Variants in PCDH15 observed in about 807,000 individuals in gnomAD.
The protein encoded by PCDH15 is protocadherin related 15, also known as protocadherin-15.
A neutral mutation model predicts 178.5 loss-of-function variants in PCDH15; 129 were observed. The ratio of observed to expected loss-of-function variants is 0.72; its 90% CI spans 0.63 to 0.84. The LOEUF is 0.84. Ranked by LOEUF, PCDH15 falls within the 40% of genes least tolerant of loss-of-function variation. PCDH15 has a pLI of 0.00. For synonymous variants in PCDH15, 800 were observed against 732.0 expected (o/e 1.09, Z -1.50); for missense variants, 2,230 against 2,099.9 (o/e 1.06, Z -1.21).
At position 53,981,093 on chromosome 10, in the gene PCDH15, T is replaced by C. The variant is rs1350513773; in HGVS notation, c.2868+14556A>G. ...TGGCAGACAAATCCTGCATTGGTGA[T>C]GCTCACATTAGATTTTTAAAATAAA... On this transcript the variant is annotated intron_variant, in intron 21 of 37. Coordinates refer to ENST00000644397, the MANE Select transcript of PCDH15 (RefSeq NM_001384140.1). Among the ~76,000 whole-genome samples, 3 of 152,318 alleles carry C rather than the reference T, an allele frequency of 2.0e-5. No homozygotes were observed. In the East Asian group the frequency reaches 5.8e-4, roughly 29 times the overall value.
chr10:55,281,677 C>T (rs1352070767), intron 1 of PCDH15, among the ~76,000 whole-genome samples: 1 of 152,060 alleles, frequency 6.6e-6, no homozygotes, highest in Admixed American at 6.6e-5. Flanking sequence ...TCATCATCTC[C>T]GTGGATCAAA....
At chr10:55,509,440 T>C (rs567804167) in intron 2 of PCDH15, among the ~76,000 whole-genome samples, 9 of 151,816 alleles carry the variant, frequency 5.9e-5, no homozygotes, top group African/African-American at 2.2e-4. Flanking sequence ...ATCCAGATAT[T>C]CAGAGGAATA....
At chr10:54,132,760 T>G in intron 15 of PCDH15, 115 bp downstream of exon 15, 1 of 1,500,234 alleles carries the variant, frequency 6.7e-7, no homozygotes, top group Non-Finnish European at 9.0e-7. Flanking sequence ...TTCACTAGAG[T>G]GGAGGCAAGC....
chr10:55,028,684 T>A (rs1343176999), intron 2 of PCDH15, among the ~76,000 whole-genome samples: 2 of 152,034 alleles, frequency 1.3e-5, no homozygotes, highest in Non-Finnish European at 2.9e-5. Context: ...TGACAATTCA[T>A]GAAGATGCAA....
chr10:54,518,010 C>G lies in PCDH15; in HGVS notation c.157+9802G>C, dbSNP rs537563568. Among the ~76,000 whole-genome samples, 11 of 152,292 alleles carry G rather than the reference C, an allele frequency of 7.2e-5. No homozygotes were observed. In the South Asian group the frequency reaches 1.7e-3, roughly 23 times the overall value. On this transcript the variant is annotated intron_variant, in intron 3 of 37. Transcript: ENST00000644397. ...CAGAAATAAAGATGTTCTTTCAAAA[C>G]AACGAGAACAAAGACGCAATATACC...
At chr10:54,855,359 C>G (rs1183605592) in intron 3 of PCDH15, among the ~76,000 whole-genome samples, 3 of 152,196 alleles carry the variant, frequency 2.0e-5, no homozygotes, top group Non-Finnish European at 4.4e-5. Flanking sequence ...CCAGGGTCCA[C>G]AGCCATGGCT....
chr10:54,656,718 C>A (rs1404984354), intron 2 of PCDH15, among the ~76,000 whole-genome samples: 1 of 152,142 alleles, frequency 6.6e-6, no homozygotes, highest in Non-Finnish European at 1.5e-5. Context: ...ATCTAGCCCT[C>A]AGTGTGACCT....
intron 1 of PCDH15, among the ~76,000 whole-genome samples, chr10:54,685,980 C>T (rs1285244671): frequency 5.3e-5 from 8 of 151,454 alleles, no homozygotes; most frequent in African/African-American, 1.9e-4. Flanking sequence ...TTTAAATCAT[C>T]ACTGCCTCTA....
At chr10:54,032,851 A>C (rs1199542099) in intron 18 of PCDH15, among the ~76,000 whole-genome samples, 1 of 152,024 alleles carries the variant, frequency 6.6e-6, no homozygotes, top group Non-Finnish European at 1.5e-5. Flanking sequence ...GGAAACTTAC[A>C]ATCATGGTGG....
chr10:54,464,847 C>T (rs1565345179), intron 3 of PCDH15, among the ~76,000 whole-genome samples: 1 of 151,984 alleles, frequency 6.6e-6, no homozygotes. Context: ...CTGCAGGAGA[C>T]AGAGAAAGTG....
At chr10:55,406,252 A>G (rs1234555457) in intron 2 of PCDH15, among the ~76,000 whole-genome samples, 1 of 152,038 alleles carries the variant, frequency 6.6e-6, no homozygotes, top group Non-Finnish European at 1.5e-5. Flanking sequence ...GGGACAGATA[A>G]CTTATTTTTG....
intron 2 of PCDH15, among the ~76,000 whole-genome samples, chr10:54,655,209 A>G (rs1478241941): frequency 6.9e-6 from 1 of 144,690 alleles, no homozygotes; most frequent in Non-Finnish European, 1.5e-5. Flanking sequence ...GACTCCGTCA[A>G]AAAAAAGGAA....
At chr10:55,322,119 ATCCCCCACACTGT>A (rs1843916780), upstream of PCDH15, among the ~76,000 whole-genome samples, 1 of 152,186 alleles carries the variant, frequency 6.6e-6, no homozygotes, top group African/African-American at 2.4e-5. Context: ...TGGGAGGGGT[ATCCCCCACACTGT>A]TCTTGGGGTA....
At chr10:54,422,428 T>C (rs1007718193) in intron 3 of PCDH15, among the ~76,000 whole-genome samples, 1 of 152,134 alleles carries the variant, frequency 6.6e-6, no homozygotes, top group African/African-American at 2.4e-5. Context: ...CAATAAAATA[T>C]TGTTTACTAC....
At chr10:55,612,717 G>A (rs1843393254) in intron 2 of PCDH15, among the ~76,000 whole-genome samples, 1 of 152,032 alleles carries the variant, frequency 6.6e-6, no homozygotes, top group African/African-American at 2.4e-5. Flanking sequence ...ATAGCAGAAT[G>A]GTACCAATGG....
At chr10:54,791,577 C>A in intron 1 of PCDH15, among the ~76,000 whole-genome samples, 1 of 151,888 alleles carries the variant, frequency 6.6e-6, no homozygotes, top group East Asian at 1.9e-4. Context: ...ATACTCATCT[C>A]AAACGTAACA....
At chr10:55,312,635 T>C (rs79802744) in intron 1 of PCDH15, among the ~76,000 whole-genome samples, 1 of 150,740 alleles carries the variant, frequency 6.6e-6, no homozygotes, top group Admixed American at 6.6e-5. Flanking sequence ...TTTTTTTTTT[T>C]AGACGTAGTT....
At chr10:55,292,475 G>A (rs1279016388) in intron 1 of PCDH15, among the ~76,000 whole-genome samples, 2 of 151,972 alleles carry the variant, frequency 1.3e-5, no homozygotes, top group African/African-American at 4.8e-5. Flanking sequence ...TCCATCTCCC[G>A]GGTTCAAGCA....
chr10:55,248,099 C>T (rs1035471028), intron 1 of PCDH15, among the ~76,000 whole-genome samples: 5 of 148,040 alleles, frequency 3.4e-5, no homozygotes, highest in African/African-American at 1.2e-4. Flanking sequence ...GAATATATAT[C>T]TTATTACAGA....
Sources: gnomAD v4.1 joint callset for allele counts (sites outside exome capture counted in the v4.1 genomes callset) on GRCh38, gnomAD v4.1.1 for gene constraint, MANE v1.5 for transcripts, NCBI Gene and HGNC (gene_info 2026-07-23, HGNC 2026-07-21) for gene names.